The following RAPGEF5 variants were observed in gnomAD, a reference collection of about 807,000 sequenced individuals.
The protein encoded by RAPGEF5 is M-Ras-regulated GEF.
A neutral mutation model predicts 125.2 loss-of-function variants in RAPGEF5; 65 were observed. That is an observed-to-expected ratio of 0.52 (90% CI 0.43 to 0.64). The LOEUF (loss-of-function observed/expected upper bound fraction) is 0.64, where lower values mean the gene tolerates loss of function less well. Among genes scored for constraint, RAPGEF5 ranks in the 30% least tolerant of loss-of-function variants. The pLI, the probability that RAPGEF5 is intolerant of heterozygous loss-of-function variation, is 0.00. For missense variants in RAPGEF5, 958 were observed against 1,048.1 expected (o/e 0.91, Z 1.19); for synonymous variants, 391 against 385.9 (o/e 1.01, Z -0.16).
At chr7:22,186,813 C>A (rs374868538) in intron 11 of RAPGEF5, among the ~76,000 whole-genome samples, 2 of 152,210 alleles carry the variant, frequency 1.3e-5, no homozygotes, top group Non-Finnish European at 2.9e-5. Context: ...GTATATTTCA[C>A]CACTGAGGGA....
rs188393776 is a variant in RAPGEF5 at position 22,303,258 on chromosome 7, T to C, written c.680+5081A>G. ...CTGGATAACTTGATTTGGCTGTCTG[T>C]TGGAAGGAGATACCATAACTGTTCT... On this transcript the variant is annotated intron_variant, in intron 5 of 25. Transcript: ENST00000665637. Among the ~76,000 whole-genome samples the C allele has an allele frequency of 1.7e-3, 264 of 152,334 alleles. 2 individuals carry two copies. Among genetic ancestry groups the C allele is most frequent in the Non-Finnish European group, 2.8e-4 (19 of 68,024 alleles).
intron 24 of RAPGEF5, among the ~76,000 whole-genome samples, chr7:22,127,561 A>G (rs1445445338): frequency 6.6e-6 from 1 of 152,220 alleles, no homozygotes; most frequent in Non-Finnish European, 1.5e-5. Context: ...TAATCTCTAA[A>G]TACTATTGTC....
At chr7:22,129,012 T>C (rs917363696) in intron 24 of RAPGEF5, among the ~76,000 whole-genome samples, 4 of 152,168 alleles carry the variant, frequency 2.6e-5, no homozygotes, top group Admixed American at 1.3e-4. Flanking sequence ...TAGTTGGCAG[T>C]CTTGGCATAT....
chr7:22,307,982 T>G (rs13233212), intron 5 of RAPGEF5, among the ~76,000 whole-genome samples: 17,562 of 152,200 alleles, frequency 0.12, 1,482 homozygotes, highest in East Asian at 0.42. Context: ...GTTGAGCTCT[T>G]AGGAAAGTCA....
At chr7:22,221,626 A>G (rs1465059671) in intron 8 of RAPGEF5, among the ~76,000 whole-genome samples, 1 of 152,130 alleles carries the variant, frequency 6.6e-6, no homozygotes, top group Non-Finnish European at 1.5e-5. Flanking sequence ...AATAAGTCTC[A>G]TGAGATCTGA....
At chr7:22,176,459 TAAG>T (rs1375780370) in intron 11 of RAPGEF5, among the ~76,000 whole-genome samples, 3 of 152,224 alleles carry the variant, frequency 2.0e-5, no homozygotes, top group African/African-American at 4.8e-5. Context: ...ATATTAAAGA[TAAG>T]AAGATATTCT....
intron 1 of RAPGEF5, among the ~76,000 whole-genome samples, chr7:22,354,121 T>C (rs1275108947): frequency 1.3e-5 from 2 of 152,172 alleles, no homozygotes; most frequent in African/African-American, 2.4e-5. Context: ...ATAATGCACC[T>C]GGGTTGAGCA....
chr7:22,318,509 T>G (rs1324651982), intron 1 of RAPGEF5, among the ~76,000 whole-genome samples: 1 of 152,180 alleles, frequency 6.6e-6, no homozygotes, highest in Non-Finnish European at 1.5e-5. Context: ...CTTTGACTTA[T>G]AGAGGATCCC....
At chr7:22,251,294 ACGTACCCTCCAGTG>A (rs1180325249) in intron 7 of RAPGEF5, among the ~76,000 whole-genome samples, 3 of 144,932 alleles carry the variant, frequency 2.1e-5, no homozygotes, top group African/African-American at 7.9e-5. Context: ...GCAACCACTC[ACGTACCCTCCAGTG>A]CAAACCTTTA....
intron 12 of RAPGEF5, 27 bp from the exon 13 acceptor site, chr7:22,162,568 T>C (rs1479295999): frequency 1.9e-6 from 3 of 1,577,088 alleles, no homozygotes; most frequent in African/African-American, 2.7e-5. Flanking sequence ...AAAAATTATA[T>C]TGTTGAAAAT....
At chr7:22,233,771 T>A (rs1583502808) in intron 7 of RAPGEF5, among the ~76,000 whole-genome samples, 1 of 152,186 alleles carries the variant, frequency 6.6e-6, no homozygotes, top group East Asian at 1.9e-4. Context: ...TAGATGAACA[T>A]AAAAGCAAAC....
chr7:22,183,360 T>C (rs2128122388), intron 11 of RAPGEF5, among the ~76,000 whole-genome samples: 1 of 151,850 alleles, frequency 6.6e-6, no homozygotes, highest in African/African-American at 2.4e-5. Flanking sequence ...TGACAATTTG[T>C]GTACATACTT....
chr7:22,326,457 A>G (rs1783816129), intron 1 of RAPGEF5, among the ~76,000 whole-genome samples: 1 of 152,216 alleles, frequency 6.6e-6, no homozygotes, highest in Non-Finnish European at 1.5e-5. Context: ...ATCAAAGCCA[A>G]AAGTATTCAC....
intron 1 of RAPGEF5, among the ~76,000 whole-genome samples, chr7:22,351,195 G>A (rs1256867798): frequency 6.6e-6 from 1 of 152,120 alleles, no homozygotes; most frequent in African/African-American, 2.4e-5. Context: ...TTGTTGCCCA[G>A]GCTGATCTTG....
At chr7:22,273,073 T>C (rs1782472616) in intron 6 of RAPGEF5, among the ~76,000 whole-genome samples, 1 of 151,604 alleles carries the variant, frequency 6.6e-6, no homozygotes, top group Non-Finnish European at 1.5e-5. Context: ...AAACTACTGT[T>C]CTCCACCAAA....
At chr7:22,157,314 T>C (rs1051362292) in intron 15 of RAPGEF5, among the ~76,000 whole-genome samples, 1 of 152,206 alleles carries the variant, frequency 6.6e-6, no homozygotes, top group Admixed American at 6.5e-5. Context: ...TGTAGTACAA[T>C]GACTTTCCTA....
At chr7:22,318,632 C>A (rs1298429925) in intron 1 of RAPGEF5, among the ~76,000 whole-genome samples, 5 of 152,210 alleles carry the variant, frequency 3.3e-5, no homozygotes, top group African/African-American at 9.6e-5. Flanking sequence ...TTTAGCAAGA[C>A]CTACTTGTCA....
intron 24 of RAPGEF5, among the ~76,000 whole-genome samples, chr7:22,130,180 G>C (rs991182974): frequency 6.6e-6 from 1 of 152,116 alleles, no homozygotes; most frequent in African/African-American, 2.4e-5. Context: ...CTTTAACCAT[G>C]AAGGACAGTT....
chr7:22,230,733 G>T, intron 8 of RAPGEF5, 113 bp downstream of exon 8: 1 of 945,738 alleles, frequency 1.1e-6, no homozygotes, highest in Non-Finnish European at 1.6e-6. Context: ...CAATAACATG[G>T]CTATTTACAA....
Sources: allele counts gnomAD v4.1 joint callset (sites outside exome capture counted in the v4.1 genomes callset), GRCh38; gene constraint gnomAD v4.1.1; transcripts MANE v1.5; gene names NCBI Gene and HGNC (gene_info 2026-07-23, HGNC 2026-07-21).